KCNMA1: variants seen among roughly 807,000 people sequenced by gnomAD.
KCNMA1 encodes the protein Calcium-activated potassium channel subunit alpha-1.
Under a neutral mutation model 140.0 loss-of-function variants are expected in KCNMA1, and 29 were observed. That is an observed-to-expected ratio of 0.21 (90% CI 0.15 to 0.28). The LOEUF is 0.28. Ranked by LOEUF, KCNMA1 falls within the 10% of genes least tolerant of loss-of-function variation. KCNMA1 has a pLI of 1.00. For missense variants in KCNMA1, 880 were observed against 1,602.2 expected, an observed-to-expected ratio of 0.55 and a Z score of 7.70; for synonymous variants, 612 against 611.9, an observed-to-expected ratio of 1.00 and a Z score of 0.00.
intron 1 of KCNMA1, among the ~76,000 whole-genome samples, chr10:77,409,436 GCT>G (rs922681333): frequency 2.0e-5 from 3 of 152,184 alleles, no homozygotes; most frequent in African/African-American, 4.8e-5. Flanking sequence ...AGCCCCAGTT[GCT>G]CTGTTTCCCT....
At chr10:77,079,177 G>A (rs1286801912) in intron 13 of KCNMA1, among the ~76,000 whole-genome samples, 1 of 152,164 alleles carries the variant, frequency 6.6e-6, no homozygotes, top group East Asian at 1.9e-4. Flanking sequence ...GGCAGAGGCA[G>A]GAGAATTGCT....
intron 1 of KCNMA1, among the ~76,000 whole-genome samples, chr10:77,415,403 G>A (rs1381981998): frequency 6.6e-6 from 1 of 152,234 alleles, no homozygotes; most frequent in Admixed American, 6.5e-5. Flanking sequence ...GTCCAAGACA[G>A]CCTGCTGTCC....
chr10:77,012,658 A>T, intron 17 of KCNMA1: 1 of 919,364 alleles, frequency 1.1e-6, no homozygotes, highest in Non-Finnish European at 1.7e-6. Flanking sequence ...GACTGGACCA[A>T]TTCCCATGCT....
intron 2 of KCNMA1, among the ~76,000 whole-genome samples, chr10:77,382,994 G>GTGTGTATA (rs1491457588): frequency 1.9e-4 from 9 of 46,426 alleles, no homozygotes; most frequent in Non-Finnish European, 3.2e-4. Flanking sequence ...GTGTGTGTGT[G>GTGTGTATA]TATATATATA....
intron 1 of KCNMA1, among the ~76,000 whole-genome samples, chr10:77,555,104 T>G (rs2063924284): frequency 6.8e-6 from 1 of 148,070 alleles, no homozygotes; most frequent in African/African-American, 2.6e-5. Flanking sequence ...ATGAAGAACT[T>G]CCCCAGTCCA....
chr10:76,891,379 C>A, intron 26 of KCNMA1, 146 bp downstream of exon 26: 1 of 707,754 alleles, frequency 1.4e-6, no homozygotes, highest in Non-Finnish European at 2.5e-6. Context: ...CCAGAGTAAA[C>A]TATAAATAAA....
In KCNMA1 at chr10:77,157,834, C is replaced by T. The variant is rs1412442031; in HGVS notation, c.808+25587G>A. On this transcript the variant is annotated intron_variant, in intron 5 of 27. Transcript: ENST00000286628. ...CTTTAATGGGAACAGCGTCCTGGCA[C>T]CCTCTCCAGGATCACAGCAGTGAGC... is the stretch of plus-strand genomic sequence containing the variant. Among the ~76,000 whole-genome samples, 12 of 152,176 alleles carry T rather than the reference C, an allele frequency of 7.9e-5. No individual in the cohort carries two copies. In the East Asian group the frequency reaches 2.3e-3, roughly 29 times the overall value.
intron 3 of KCNMA1, among the ~76,000 whole-genome samples, chr10:77,200,182 C>G (rs2154153197): frequency 6.6e-6 from 1 of 152,284 alleles, no homozygotes; most frequent in South Asian, 2.1e-4. Flanking sequence ...AACTCCTGAC[C>G]TCAGGTGATC....
intron 17 of KCNMA1, chr10:77,012,566 A>AG (rs1254352859): frequency 1.9e-6 from 3 of 1,549,304 alleles, no homozygotes; most frequent in Admixed American, 2.0e-5. Context: ...GTCTGCAGAG[A>AG]GGGAAAAACG....
intron 19 of KCNMA1, among the ~76,000 whole-genome samples, chr10:77,000,692 T>C (rs979135607): frequency 6.6e-6 from 1 of 151,616 alleles, no homozygotes; most frequent in Admixed American, 6.6e-5. Flanking sequence ...AAATAAAAGA[T>C]ATTAATGGAA....
intron 1 of KCNMA1, among the ~76,000 whole-genome samples, chr10:77,477,988 C>T (rs972541939): frequency 6.6e-6 from 1 of 152,168 alleles, no homozygotes; most frequent in African/African-American, 2.4e-5. Flanking sequence ...CACAAAATCA[C>T]CCGGTTCAAA....
rs794726902 is a variant in KCNMA1 at position 77,637,581 on chromosome 10, C to T, written c.62G>A (p.Ser21Asn). 1.6e-5 allele frequency: 24 copies of T among 1,532,916 alleles called. No individual in the cohort carries two copies. The Admixed American group carries it at 4.2e-4, about 27-fold the overall frequency. The allele number at this position is 1,532,916 out of a possible 1,614,324, so 95.0% of individuals were successfully genotyped here. Residue 21 changes from serine (S) to asparagine (N), a missense_variant, in exon 1 of 28, where the codon AGC becomes AAC. Physicochemically the swap from Ser to Asn is conservative, Grantham distance 46. This residue lies in a region of KCNMA1 where 94 missense variants were observed against 92.4 expected (regional missense o/e 1.02). Transcript: ENST00000286628. ...GATATTGCTACTCATTCTAAGACTG[C>T]TGCCTCCGCCGCCGCCGCCGCCGCC... ...SSGGGGGGGGSSLRMSSNIHA... is the reference protein window; with the variant it reads ...SSGGGGGGGGNSLRMSSNIHA...
At chr10:77,615,020 G>T (rs1251484993) in intron 1 of KCNMA1, among the ~76,000 whole-genome samples, 1 of 152,220 alleles carries the variant, frequency 6.6e-6, no homozygotes, top group Non-Finnish European at 1.5e-5. Context: ...GATGTTTTGG[G>T]TGCCTCAGAA....
At chr10:77,244,748 A>G (rs1332295751) in intron 3 of KCNMA1, among the ~76,000 whole-genome samples, 1 of 152,208 alleles carries the variant, frequency 6.6e-6, no homozygotes, top group African/African-American at 2.4e-5. Context: ...AGGCTGAGTT[A>G]GAGTTACTCT....
chr10:77,244,303 T>C (rs1029154573), intron 3 of KCNMA1, among the ~76,000 whole-genome samples: 2 of 152,204 alleles, frequency 1.3e-5, no homozygotes, highest in African/African-American at 4.8e-5. Context: ...TTGACTCTAA[T>C]ACTATATTCT....
At chr10:77,089,329 C>A (rs1422459523) in intron 10 of KCNMA1, among the ~76,000 whole-genome samples, 1 of 152,136 alleles carries the variant, frequency 6.6e-6, no homozygotes, top group Admixed American at 6.5e-5. Flanking sequence ...GCACGTCAAG[C>A]CAGCACAAAC....
chr10:77,439,087 AAAGAGAAGAGAAGAGAAGAG>A lies in KCNMA1; in HGVS notation c.379-35084_379-35065del, dbSNP rs55994326. ...CTCTCTCAAAAAAAGAAAGAAAAGA[AAAGAGAAGAGAAGAGAAGAG>A]AAGAGAAGAGAAGAGAAGAGAAGAG... On this transcript the variant is annotated intron_variant, in intron 1 of 27. Coordinates refer to ENST00000286628, the MANE Select transcript of KCNMA1 (RefSeq NM_001161352.2). Among the ~76,000 whole-genome samples the A allele has an allele frequency of 4.1e-3, 513 of 124,922 alleles. 2 individuals carry two copies. Among genetic ancestry groups the A allele is most frequent in the Middle Eastern group, 8.1e-3 (2 of 248 alleles). The allele number at this position is 124,922 out of a possible 152,430, so 82.0% of individuals were successfully genotyped here.
chr10:77,264,628 A>G (rs2062914805), intron 2 of KCNMA1, among the ~76,000 whole-genome samples: 1 of 152,202 alleles, frequency 6.6e-6, no homozygotes, highest in Non-Finnish European at 1.5e-5. Flanking sequence ...TGACATAGTT[A>G]TCAGGAAGAA....
At chr10:77,488,243 T>A (rs904213004) in intron 1 of KCNMA1, among the ~76,000 whole-genome samples, 1 of 152,198 alleles carries the variant, frequency 6.6e-6, no homozygotes, top group Non-Finnish European at 1.5e-5. Flanking sequence ...TGTGGCCAGC[T>A]GACTGCCCTT....
Sources: gnomAD v4.1 joint callset for allele counts (sites outside exome capture counted in the v4.1 genomes callset) on GRCh38, gnomAD v4.1.1 for gene constraint, gnomAD v4.1.1 regional missense constraint, MANE v1.5 for transcripts, NCBI Gene and HGNC (gene_info 2026-07-23, HGNC 2026-07-21) for gene names.